The following TENM3 variants were observed in gnomAD, a reference collection of about 807,000 sequenced individuals.
TENM3 encodes the protein teneurin-3.
In TENM3, 63 loss-of-function variants were observed where a neutral mutation model predicts 255.1. The ratio of observed to expected loss-of-function variants is 0.25; its 90% CI spans 0.20 to 0.30. The LOEUF (loss-of-function observed/expected upper bound fraction) is 0.30, where lower values mean the gene tolerates loss of function less well. Among genes scored for constraint, TENM3 ranks in the 10% least tolerant of loss-of-function variants. The probability of loss-of-function intolerance (pLI) is 1.00; values close to 1 mark genes in which losing one functional copy is unlikely to be tolerated. For missense variants in TENM3, 2,929 were observed against 3,461.1 expected, an observed-to-expected ratio of 0.85 and a Z score of 3.86; for synonymous variants, 1,306 against 1,322.3, an observed-to-expected ratio of 0.99 and a Z score of 0.27.
chr4:181,492,200 A>G, the TENM3 span, among the ~76,000 whole-genome samples: 3 of 152,238 alleles, frequency 2.0e-5, no homozygotes, highest in Admixed American at 6.5e-5. Flanking sequence ...ACAATTCTTG[A>G]AAAAGACCTC....
At chr4:181,646,878 A>G in the TENM3 span, among the ~76,000 whole-genome samples, 1 of 152,236 alleles carries the variant, frequency 6.6e-6, no homozygotes. Flanking sequence ...GAGAAGACTT[A>G]GGATACATTT....
intron 5 of TENM3, among the ~76,000 whole-genome samples, chr4:182,633,931 G>A (rs1751618863): frequency 6.6e-6 from 1 of 152,204 alleles, no homozygotes; most frequent in Admixed American, 6.5e-5. Flanking sequence ...AGGAGGTCCA[G>A]AGTTGTGCTT....
chr4:182,187,107 A>T (rs888389153), intron 1 of TENM3, among the ~76,000 whole-genome samples: 2 of 151,966 alleles, frequency 1.3e-5, no homozygotes, highest in Non-Finnish European at 2.9e-5. Context: ...GAAAAAAGAG[A>T]TTAAAAATAA....
At chr4:181,793,245 T>A in the TENM3 span, among the ~76,000 whole-genome samples, 1 of 152,166 alleles carries the variant, frequency 6.6e-6, no homozygotes, top group East Asian at 1.9e-4. Flanking sequence ...GCCATGGTAA[T>A]TCCCTCCATC....
At chr4:182,359,510 G>GT (rs1765809370) in intron 3 of TENM3, among the ~76,000 whole-genome samples, 1 of 150,892 alleles carries the variant, frequency 6.6e-6, no homozygotes, top group Non-Finnish European at 1.5e-5. Flanking sequence ...TTTGCGTAGA[G>GT]GTGTTTGTAG....
intron 6 of TENM3, 118 bp from the exon 7 acceptor site, chr4:182,672,887 G>A: frequency 1.4e-6 from 1 of 710,044 alleles, no homozygotes; most frequent in South Asian, 2.1e-5. Context: ...TAATATATCA[G>A]AAGATGAAAT....
At chr4:182,573,445 T>A (rs1744604470) in intron 3 of TENM3, among the ~76,000 whole-genome samples, 1 of 152,180 alleles carries the variant, frequency 6.6e-6, no homozygotes. Flanking sequence ...ATCAAATCCC[T>A]CACATCATAT....
At chr4:181,977,723 G>A in the TENM3 span, among the ~76,000 whole-genome samples, 1 of 152,142 alleles carries the variant, frequency 6.6e-6, no homozygotes, top group Non-Finnish European at 1.5e-5. Context: ...GGGTATTTTA[G>A]GGGGAACTAA....
chr4:182,491,742 G>A (rs1735319773), intron 3 of TENM3, among the ~76,000 whole-genome samples: 1 of 152,164 alleles, frequency 6.6e-6, no homozygotes, highest in Admixed American at 6.5e-5. Context: ...TGTTAATGTG[G>A]GACACCTACA....
chr4:181,839,608 G>A, the TENM3 span, among the ~76,000 whole-genome samples: 1 of 149,876 alleles, frequency 6.7e-6, no homozygotes, highest in Non-Finnish European at 1.5e-5. Flanking sequence ...GTTTTTGTTT[G>A]GAATTCTTTA....
intron 3 of TENM3, among the ~76,000 whole-genome samples, chr4:182,449,347 A>G (rs1298021568): frequency 6.7e-6 from 1 of 148,462 alleles, no homozygotes. Context: ...GAGGGACCAC[A>G]TTTAAGGATT....
intron 6 of TENM3, among the ~76,000 whole-genome samples, chr4:182,670,953 A>C (rs1755150681): frequency 6.6e-6 from 1 of 152,188 alleles, no homozygotes; most frequent in South Asian, 2.1e-4. Flanking sequence ...AAATATATAC[A>C]TCTTCAGGGA....
chr4:182,654,909 A>T (rs1172831848), intron 6 of TENM3, among the ~76,000 whole-genome samples: 1 of 150,976 alleles, frequency 6.6e-6, no homozygotes, highest in Admixed American at 6.6e-5. Flanking sequence ...CTCCTTAGGG[A>T]GGTTGAGGAA....
intron 3 of TENM3, among the ~76,000 whole-genome samples, chr4:182,554,546 TTG>T (rs150788519): frequency 3.3e-5 from 5 of 151,626 alleles, no homozygotes; most frequent in African/African-American, 4.8e-5. Flanking sequence ...GCCAGGCAAT[TTG>T]TGTGTGTGTG....
At chr4:181,449,749 T>A in the TENM3 span, among the ~76,000 whole-genome samples, 1 of 152,164 alleles carries the variant, frequency 6.6e-6, no homozygotes, top group Non-Finnish European at 1.5e-5. Context: ...ATCGTGCCGC[T>A]GCACTCCAGC....
intron 11 of TENM3, among the ~76,000 whole-genome samples, chr4:182,682,216 T>C (rs896098313): frequency 3.3e-5 from 5 of 152,320 alleles, no homozygotes; most frequent in African/African-American, 1.2e-4. Context: ...TCACTAAAAT[T>C]TCCCCTTTAG....
chr4:181,987,349 G>T, the TENM3 span, among the ~76,000 whole-genome samples: 1 of 152,098 alleles, frequency 6.6e-6, no homozygotes, highest in African/African-American at 2.4e-5. Context: ...AACCAACGGA[G>T]CCCCTGAGAG....
chr4:182,746,818 G>A (rs1329408379), intron 19 of TENM3, among the ~76,000 whole-genome samples: 1 of 152,160 alleles, frequency 6.6e-6, no homozygotes, highest in Non-Finnish European at 1.5e-5. Flanking sequence ...ATAAGAAAGA[G>A]GAAGATGTAG....
intron 3 of TENM3, among the ~76,000 whole-genome samples, chr4:182,493,178 A>G (rs1560825138): frequency 6.6e-6 from 1 of 152,120 alleles, no homozygotes; most frequent in Admixed American, 6.6e-5. Context: ...AGCTTTGATC[A>G]TCAAGCAGTT....
Sources: gnomAD v4.1 joint callset for allele counts (sites outside exome capture counted in the v4.1 genomes callset) on GRCh38, gnomAD v4.1.1 for gene constraint, MANE v1.5 for transcripts, NCBI Gene and HGNC (gene_info 2026-07-23, HGNC 2026-07-21) for gene names.